CLEC4F: variants seen among roughly 807,000 people sequenced by gnomAD.
CLEC4F encodes the protein C-type lectin domain family 4 member F.
Under a neutral mutation model 53.4 loss-of-function variants are expected in CLEC4F, and 45 were observed. The observed-to-expected ratio is 0.84, with a 90% CI of 0.66 to 1.08. The LOEUF (loss-of-function observed/expected upper bound fraction) is 1.08, where lower values mean the gene tolerates loss of function less well. Ranked by LOEUF, CLEC4F falls within the 50% of genes least tolerant of loss-of-function variation. CLEC4F has a pLI of 0.00. For synonymous variants in CLEC4F, 245 were observed against 257.5 expected (o/e 0.95, Z 0.46); for missense variants, 753 against 698.2 (o/e 1.08, Z -0.88).
rs1189800903 is a variant in CLEC4F, at chr2:70,819,784, A to G, written c.169T>C (p.Phe57Leu). Residue 57 changes from phenylalanine (F) to leucine (L), a missense_variant, in exon 2 of 7, where the codon TTT becomes CTT. Phe to Leu is a conservative substitution (Grantham distance 22). Transcript: ENST00000272367. ...TCACCTGGGGGCTTACCCACTACAA[A>G]GAGAGTCACAAGAGAGAAGACCAAG... is the stretch of plus-strand genomic sequence containing the variant. ...VTLVFSLVTLFVVVQQQTRPV... is the reference protein window; with the variant it reads ...VTLVFSLVTLLVVVQQQTRPV... The G allele has an allele frequency of 6.3e-7, 1 of 1,593,752 alleles. No individual in the cohort carries two copies. Among genetic ancestry groups the G allele is most frequent in the Non-Finnish European group, 8.5e-7 (1 of 1,171,286 alleles).
At chr2:70,809,413 G>A (rs1553393595) in intron 6 of CLEC4F, 31 bp from the exon 7 acceptor site, 5 of 1,571,634 alleles carry the variant, frequency 3.2e-6, no homozygotes, top group African/African-American at 1.4e-5. Context: ...AAAACAGAAA[G>A]ACCCACTCAC....
rs1553393727 is a variant in CLEC4F at position 70,809,779 on chromosome 2, A to T, written c.1618T>A (p.Trp540Arg). ...TDRGTEGSWRWTDGTPFNAAQ... is the reference protein window; with the variant it reads ...TDRGTEGSWRRTDGTPFNAAQ... Reference sequence around the variant, plus strand: ...GCGTTGAATGGTGTCCCATCTGTCCAGCGCCAGGAGCCCTCTGTGCCCCTG... The same window carrying T: ...GCGTTGAATGGTGTCCCATCTGTCCTGCGCCAGGAGCCCTCTGTGCCCCTG... Residue 540 changes from tryptophan (W) to arginine (R), a missense_variant, in exon 6 of 7, where the codon TGG becomes AGG. Transcript: ENST00000272367. 6 of 1,614,128 alleles carry T rather than the reference A, an allele frequency of 3.7e-6. No homozygotes were observed. In the African/African-American group the frequency reaches 8.0e-5, roughly 22 times the overall value.
Position 70,816,039 on chromosome 2 carries a change from G to A in CLEC4F, c.1342C>T (p.Leu448Phe). 3.7e-6 allele frequency: 6 copies of A among 1,614,216 alleles called. No individual in the cohort carries two copies. The highest frequency in any genetic ancestry group is 5.1e-6 in the Non-Finnish European group (6 of 1,180,038). The change falls in exon 4 of 7, where the codon CTC becomes TTC. Residue 448 changes from leucine to phenylalanine, a missense_variant. Transcript: ENST00000272367. ...IQQEQSRLKT[L>F]HVVITSQEQL... ...TCCTGTGAAGTAATGACCACATGGA[G>A]GGTCTTCAGGCGACTCTGCTCCTGC...
upstream of CLEC4F, among the ~76,000 whole-genome samples, chr2:70,821,919 A>G (rs1378338522): frequency 2.6e-5 from 4 of 152,050 alleles, no homozygotes; most frequent in Admixed American, 2.0e-4. Flanking sequence ...TACCTGGCTA[A>G]TTTTTTATTT....
intron 3 of CLEC4F, among the ~76,000 whole-genome samples, 169 bp from the exon 4 acceptor site, chr2:70,817,281 G>C (rs186189985): frequency 1.3e-5 from 2 of 152,136 alleles, no homozygotes; most frequent in Admixed American, 6.5e-5. Context: ...CCCTGGGGAC[G>C]GTCCACCTGA....
chr2:70,815,101 A>G (rs1676824409), intron 4 of CLEC4F, among the ~76,000 whole-genome samples: 1 of 152,016 alleles, frequency 6.6e-6, no homozygotes, highest in Admixed American at 6.5e-5. Flanking sequence ...GTTAGCCCCC[A>G]TTTCTTCAGT....
Position 70,820,571 on chromosome 2 carries a change from G to A in CLEC4F, c.-48C>T. The A allele has an allele frequency of 6.5e-7, 1 of 1,547,878 alleles. No homozygotes were observed. The highest frequency in any genetic ancestry group is 8.8e-7 in the Non-Finnish European group (1 of 1,142,504). ...CACTGCTCCCAGCCACTGGCTCCTG[G>A]AAGGGCCGTCCCGTGGACCAATGGC... On this transcript the variant is annotated 5_prime_UTR_variant, in exon 1 of 7. Coordinates refer to ENST00000272367, the MANE Select transcript of CLEC4F (RefSeq NM_173535.3).
At chr2:70,812,733 G>A (rs1676636237) in intron 4 of CLEC4F, 135 bp from the exon 5 acceptor site, 1 of 880,146 alleles carries the variant, frequency 1.1e-6, no homozygotes, top group Non-Finnish European at 1.8e-6. Flanking sequence ...AGTGCTCCAG[G>A]AGAAAGGCCT....
chr2:70,816,854 G>T lies in CLEC4F; in HGVS notation c.527C>A (p.Thr176Asn). ...CTTGAGCCTCTGGATCTCAGCATTGGTTCCCTCCAGGGAACTCCTTAACAT... is the reference window on the plus strand; with the variant it reads ...CTTGAGCCTCTGGATCTCAGCATTGTTTCCCTCCAGGGAACTCCTTAACAT... ...TQMLRSSLEG[T>N]NAEIQRLKED... is the part of the protein sequence containing the mutation. Residue 176 changes from threonine (T) to asparagine (N), a missense_variant, in exon 4 of 7, where the codon ACC (threonine) becomes AAC (asparagine). Thr to Asn is a moderately conservative substitution (Grantham distance 65). Coordinates refer to ENST00000272367, the MANE Select transcript of CLEC4F (RefSeq NM_173535.3). 2 of 1,614,190 alleles carry T rather than the reference G, an allele frequency of 1.2e-6. No individual in the cohort carries two copies. Among genetic ancestry groups the T allele is most frequent in the Non-Finnish European group, 1.7e-6 (2 of 1,180,030 alleles).
At chr2:70,824,622 C>CAAAAAAAAAAAAAAAAAAA (rs1180721472), upstream of CLEC4F, among the ~76,000 whole-genome samples, 2 of 38,768 alleles carry the variant, frequency 5.2e-5, no homozygotes, top group East Asian at 9.9e-4. Flanking sequence ...GCTTAGTTAC[C>CAAAAAAAAAAAAAAAAAAA]AAAAAAAAAA....
intron 3 of CLEC4F, among the ~76,000 whole-genome samples, chr2:70,817,962 T>TGG (rs1677022448): frequency 6.6e-6 from 1 of 152,204 alleles, no homozygotes; most frequent in Admixed American, 6.5e-5. Context: ...CACATGCATC[T>TGG]ACCTCTGGTC....
At chr2:70,811,273 C>T (rs1464521964) in intron 5 of CLEC4F, 19 of 1,020,588 alleles carry the variant, frequency 1.9e-5, no homozygotes, top group Non-Finnish European at 2.7e-5. Flanking sequence ...TACTTCCATA[C>T]ACCTTCATCT....
At chr2:70,811,856 G>C (rs1676584515) in intron 5 of CLEC4F, among the ~76,000 whole-genome samples, 1 of 152,096 alleles carries the variant, frequency 6.6e-6, no homozygotes. Context: ...TGAATAACTT[G>C]AGCCCATAAG....
Position 70,812,493 on chromosome 2 carries a change from A to G in CLEC4F, c.1493T>C (p.Val498Ala). The stretch of plus-strand genomic sequence containing the variant: ...AGATGCCAGATGGGCTCCCTGGGAC[A>G]CGCAGAACTGCTCAGCCTCATGCCA... Reference protein sequence around the residue: ...KSWHEAEQFCVSQGAHLASVA... With the variant: ...KSWHEAEQFCASQGAHLASVA... The change falls in exon 5 of 7, where the codon GTG becomes GCG. Residue 498 changes from valine (V) to alanine (A), a missense_variant. Transcript: ENST00000272367. 8 of 1,614,236 alleles carry G rather than the reference A, an allele frequency of 5.0e-6. No homozygotes were observed. The highest frequency in any genetic ancestry group is 6.8e-6 in the Non-Finnish European group (8 of 1,180,038).
At chr2:70,811,216 T>C in intron 5 of CLEC4F, 1 of 785,034 alleles carries the variant, frequency 1.3e-6, no homozygotes, top group South Asian at 1.3e-5. Flanking sequence ...ACGCTGAAGT[T>C]TGACAGCAAG....
upstream of CLEC4F, among the ~76,000 whole-genome samples, chr2:70,822,458 C>T (rs782624394): frequency 1.3e-5 from 2 of 152,064 alleles, no homozygotes; most frequent in Non-Finnish European, 2.9e-5. Flanking sequence ...GGGGTTCCTG[C>T]TGCTGGGTGG....
In CLEC4F at chr2:70,819,768, G is replaced by T; in HGVS notation, c.178+7C>A. 1 of 1,570,224 alleles carries T rather than the reference G, an allele frequency of 6.4e-7. No individual in the cohort carries two copies. Among genetic ancestry groups the T allele is most frequent in the Non-Finnish European group, 8.6e-7 (1 of 1,156,578 alleles). On this transcript the variant is annotated splice_region_variant and intron_variant, in intron 2 of 6. Coordinates refer to ENST00000272367, the MANE Select transcript of CLEC4F (RefSeq NM_173535.3). ...GTTAGTGAGATTTGGGTCACCTGGG[G>T]GCTTACCCACTACAAAGAGAGTCAC... is the stretch of plus-strand genomic sequence containing the variant.
intron 5 of CLEC4F, chr2:70,810,996 G>A: frequency 1.7e-6 from 1 of 591,196 alleles, no homozygotes; most frequent in Non-Finnish European, 3.3e-6. Flanking sequence ...AAATTCTACG[G>A]CATACTGATT....
chr2:70,810,618 C>CAAAAAAAAAAAAAAA (rs58138583), intron 5 of CLEC4F, among the ~76,000 whole-genome samples: 1 of 48,826 alleles, frequency 2.0e-5, no homozygotes, highest in African/African-American at 6.4e-5. Context: ...AACTCTGTCG[C>CAAAAAAAAAAAAAAA]AAAAAAAAAA....
Sources: gnomAD v4.1 joint callset for allele counts (sites outside exome capture counted in the v4.1 genomes callset) on GRCh38, gnomAD v4.1.1 for gene constraint, MANE v1.5 for transcripts, NCBI Gene and HGNC (gene_info 2026-07-23, HGNC 2026-07-21) for gene names.